TRHDE: variants seen among roughly 807,000 people sequenced by gnomAD.
TRHDE encodes thyrotropin releasing hormone degrading enzyme.
In TRHDE, 72 loss-of-function variants were observed where a neutral mutation model predicts 125.7. That is an observed-to-expected ratio of 0.57 (90% CI 0.47 to 0.70). TRHDE has a LOEUF of 0.70. TRHDE is among the 30% of genes least tolerant of loss of function. TRHDE has a pLI of 0.00. For missense variants in TRHDE, 1,110 were observed against 1,327.1 expected (o/e 0.84, Z 2.54); for synonymous variants, 509 against 509.1 (o/e 1.00, Z 0.00).
intron 3 of TRHDE, among the ~76,000 whole-genome samples, chr12:72,468,955 G>A (rs1199996839): frequency 1.3e-5 from 2 of 152,188 alleles, no homozygotes; most frequent in African/African-American, 4.8e-5. Flanking sequence ...ATCGAAGCAT[G>A]AACTCTTTGT....
At chr12:72,632,614 A>T (rs935690193) in intron 15 of TRHDE, among the ~76,000 whole-genome samples, 1 of 151,854 alleles carries the variant, frequency 6.6e-6, no homozygotes, top group African/African-American at 2.4e-5. Context: ...TTCTACCTAT[A>T]AAGCATTTTT....
At chr12:72,151,696 A>T (rs927910947) in intron 2 of TRHDE, among the ~76,000 whole-genome samples, 5 of 152,162 alleles carry the variant, frequency 3.3e-5, no homozygotes, top group African/African-American at 1.2e-4. Context: ...GTCAAAGATC[A>T]GATAGTTGTA....
At chr12:72,639,121 C>T (rs1428976660) in intron 15 of TRHDE, among the ~76,000 whole-genome samples, 65 of 151,198 alleles carry the variant, frequency 4.3e-4, no homozygotes, top group African/African-American at 1.4e-3. Flanking sequence ...GTTCCATTCT[C>T]CCCATCACTT....
At position 72,667,020 on chromosome 12, in the gene TRHDE, CTCAA is replaced by C. The variant is rs1488039596; in HGVS notation, c.*3829_*3832del. 3.3e-5 allele frequency: 5 copies of C among 152,008 alleles called. No homozygotes were observed. The East Asian group carries it at 9.7e-4, about 30-fold the overall frequency. 9.4% of individuals were successfully genotyped at this position (152,008 alleles called of 1,614,324 possible). A position where few individuals can be genotyped will look rare whatever the true frequency, so the allele number is the denominator to read the frequency against. On this transcript the variant is annotated 3_prime_UTR_variant, in exon 19 of 19. Transcript: ENST00000261180. The stretch of plus-strand genomic sequence containing the variant: ...CAGAATGCAGATAAATTGTGTGCAT[CTCAA>C]TCAGTAAAAATAATATTCAGTAAAA...
chr12:72,511,553 G>A (rs576188865), intron 6 of TRHDE, among the ~76,000 whole-genome samples: 5 of 152,180 alleles, frequency 3.3e-5, no homozygotes, highest in South Asian at 4.1e-4. Context: ...AAGTCATTCT[G>A]TAAAGAAAAT....
At chr12:72,532,868 C>A (rs145821154) in intron 6 of TRHDE, among the ~76,000 whole-genome samples, 5 of 150,590 alleles carry the variant, frequency 3.3e-5, no homozygotes, top group South Asian at 4.2e-4. Context: ...GTATTTATCC[C>A]ATCAATTATG....
rs140139379 is a variant in TRHDE, at chr12:72,396,043, T to C, written c.1315+17922T>C. 2.3e-4 allele frequency among the ~76,000 whole-genome samples: 35 copies of C among 152,298 alleles called. No individual in the cohort carries two copies. The East Asian group carries it at 4.3e-3, about 19-fold the overall frequency. On this transcript the variant is annotated intron_variant, in intron 3 of 18. Coordinates refer to ENST00000261180, the MANE Select transcript of TRHDE (RefSeq NM_013381.3). ...CATGTATGAATTTTCTGTACACTTA[T>C]AGAGGCCAATTCCTCCAAAATGGTC...
intron 5 of TRHDE, among the ~76,000 whole-genome samples, chr12:72,495,688 C>T (rs1037436111): frequency 8.5e-5 from 13 of 152,090 alleles, no homozygotes; most frequent in Non-Finnish European, 1.9e-4. Flanking sequence ...TCCTCAAATG[C>T]TGCACAATAT....
At chr12:72,593,462 G>A (rs1871780866) in intron 12 of TRHDE, among the ~76,000 whole-genome samples, 1 of 151,826 alleles carries the variant, frequency 6.6e-6, no homozygotes, top group Non-Finnish European at 1.5e-5. Flanking sequence ...ATGCTCATTG[G>A]GACAATAATG....
At chr12:72,490,785 A>G (rs949124331) in intron 5 of TRHDE, among the ~76,000 whole-genome samples, 1 of 151,060 alleles carries the variant, frequency 6.6e-6, no homozygotes, top group African/African-American at 2.4e-5. Flanking sequence ...ACCCTTGAAT[A>G]TATAGAGATA....
chr12:72,262,672 A>G (rs1878977834), intron 2 of TRHDE: 1 of 152,188 alleles, frequency 6.6e-6, no homozygotes, highest in South Asian at 2.1e-4. Flanking sequence ...AGACACAATT[A>G]TCACAGAAAG....
chr12:72,398,090 T>C (rs1449269144), intron 3 of TRHDE, among the ~76,000 whole-genome samples: 1 of 151,802 alleles, frequency 6.6e-6, no homozygotes, highest in East Asian at 1.9e-4. Context: ...GGTGTTTGGT[T>C]TTTTGTTCTT....
At chr12:72,651,913 CCAAATT>C (rs1295749738) in intron 15 of TRHDE, among the ~76,000 whole-genome samples, 1 of 151,882 alleles carries the variant, frequency 6.6e-6, no homozygotes, top group Non-Finnish European at 1.5e-5. Context: ...TCCGTTCTAT[CCAAATT>C]AATTAGTGTC....
upstream of TRHDE, among the ~76,000 whole-genome samples, chr12:72,268,663 A>G (rs946794006): frequency 6.6e-6 from 1 of 152,154 alleles, no homozygotes; most frequent in South Asian, 2.1e-4. Flanking sequence ...CAGTGTGAAA[A>G]GAAACAAAAA....
chr12:72,481,581 C>A (rs960675135), intron 5 of TRHDE, among the ~76,000 whole-genome samples: 14 of 138,158 alleles, frequency 1.0e-4, no homozygotes, highest in African/African-American at 3.5e-4. Context: ...TTTTTTGAGT[C>A]TGAAGAGTAT....
At chr12:72,653,354 CTTAA>C (rs1460397806) in intron 17 of TRHDE, among the ~76,000 whole-genome samples, 198 bp downstream of exon 17, 8 of 152,030 alleles carry the variant, frequency 5.3e-5, no homozygotes, top group South Asian at 2.1e-4. Flanking sequence ...AATTGATAAA[CTTAA>C]TTAATTATAT....
rs114907688 is a variant in TRHDE at position 72,440,680 on chromosome 12, G to A, written c.1316-29078G>A. Among the ~76,000 whole-genome samples the A allele has an allele frequency of 3.2e-3, 492 of 151,954 alleles. 2 individuals are homozygous for A. Among genetic ancestry groups the A allele is most frequent in the African/African-American group, 0.011 (457 of 41,494 alleles). On this transcript the variant is annotated intron_variant, in intron 3 of 18. Coordinates refer to ENST00000261180, the MANE Select transcript of TRHDE (RefSeq NM_013381.3). ...AAGAGATTAAACAGTGACAGTAAGT[G>A]GTAGACTCAGGATTCAATAGGTAGC...
chr12:72,528,841 G>A (rs750645362), intron 6 of TRHDE, among the ~76,000 whole-genome samples: 2 of 151,970 alleles, frequency 1.3e-5, no homozygotes, highest in Non-Finnish European at 2.9e-5. Context: ...TTAGTTTGGG[G>A]CATTTTAGTC....
intron 1 of TRHDE, among the ~76,000 whole-genome samples, chr12:72,276,848 C>T (rs1472060188): frequency 6.6e-6 from 1 of 152,090 alleles, no homozygotes; most frequent in African/African-American, 2.4e-5. Context: ...GTGCAGCAGG[C>T]AGATAAAAAT....
Sources: gnomAD v4.1 joint callset for allele counts (sites outside exome capture counted in the v4.1 genomes callset) on GRCh38, gnomAD v4.1.1 for gene constraint, MANE v1.5 for transcripts, NCBI Gene and HGNC (gene_info 2026-07-23, HGNC 2026-07-21) for gene names.